The following TUT4 variants were observed in gnomAD, a reference collection of about 807,000 sequenced individuals.
TUT4 encodes terminal uridylyltransferase 4.
A neutral mutation model predicts 192.2 loss-of-function variants in TUT4; 36 were observed. That is an observed-to-expected ratio of 0.19 (90% confidence interval 0.14 to 0.25). The LOEUF is 0.25. Among genes scored for constraint, TUT4 ranks in the 10% least tolerant of loss-of-function variants. TUT4 has a pLI of 1.00. For synonymous variants in TUT4, 618 were observed against 666.0 expected, an observed-to-expected ratio of 0.93 and a Z score of 1.11; for missense variants, 1,493 against 1,957.2, an observed-to-expected ratio of 0.76 and a Z score of 4.47.
At chr1:52,547,790 T>G (rs1688462027) in intron 1 of TUT4, among the ~76,000 whole-genome samples, 1 of 152,190 alleles carries the variant, frequency 6.6e-6, no homozygotes, top group African/African-American at 2.4e-5. Context: ...TATAATTCCT[T>G]GTATATGTAA....
intron 15 of TUT4, among the ~76,000 whole-genome samples, chr1:52,467,523 TCA>T (rs755304303): frequency 1.3e-5 from 2 of 152,292 alleles, no homozygotes; most frequent in Middle Eastern, 6.8e-3. Context: ...TACTCTGGAC[TCA>T]CACAACAGCC....
rs1172005827 is a variant in TUT4 at position 52,425,539 on chromosome 1, A to T, written c.4712-32T>A. On this transcript the variant is annotated intron_variant, in intron 28 of 29. Coordinates refer to ENST00000257177, the MANE Select transcript of TUT4 (RefSeq NM_001009881.3). ...TTCAACAAGAGGGAAAAAGACATTT[A>T]AAAACATTAGTTCATTCATTGAAAT... The T allele has an allele frequency of 4.4e-6, 7 of 1,584,370 alleles. No homozygotes were observed. In the East Asian group the frequency reaches 1.4e-4, roughly 31 times the overall value.
rs754363258 is a variant in TUT4 at position 52,525,754 on chromosome 1, T to C, written c.527A>G (p.Glu176Gly). Residue 176 changes from glutamate to glycine, a missense_variant, in exon 2 of 30, where the codon GAA (glutamate) becomes GGA (glycine). Glu to Gly is a moderately conservative substitution (Grantham distance 98). Coordinates refer to ENST00000257177, the MANE Select transcript of TUT4 (RefSeq NM_001009881.3). ...LLLKDMRQKT[E>G]LQQIGKKIPS... ...AATTTTTTTTCCAATCTGTTGTAATTCTGTCTTCTGTCTCATGTCTTTCAA... is the reference window on the plus strand; with the variant it reads ...AATTTTTTTTCCAATCTGTTGTAATCCTGTCTTCTGTCTCATGTCTTTCAA... 41 of 1,614,084 alleles carry C rather than the reference T, an allele frequency of 2.5e-5. No individual in the cohort carries two copies. The Admixed American group carries it at 2.7e-4, about 10-fold the overall frequency.
intron 24 of TUT4, among the ~76,000 whole-genome samples, chr1:52,440,443 T>TG (rs1553160223): frequency 2.6e-5 from 4 of 151,170 alleles, no homozygotes; most frequent in African/African-American, 7.3e-5. Flanking sequence ...GTTTTTTTTT[T>TG]TTTTTTTTTT....
intron 2 of TUT4, among the ~76,000 whole-genome samples, chr1:52,525,273 T>A (rs574286196): frequency 2.4e-4 from 37 of 152,216 alleles, no homozygotes; most frequent in African/African-American, 8.4e-4. Context: ...TAAACAAGAG[T>A]GTGTATGTGT....
At chr1:52,545,751 C>T (rs1054189590) in intron 1 of TUT4, among the ~76,000 whole-genome samples, 1 of 151,956 alleles carries the variant, frequency 6.6e-6, no homozygotes, top group Non-Finnish European at 1.5e-5. Flanking sequence ...TAAAATGGTA[C>T]AGCCACTATG....
chr1:52,551,781 A>G (rs1689513945), intron 1 of TUT4, among the ~76,000 whole-genome samples: 2 of 152,258 alleles, frequency 1.3e-5, no homozygotes, highest in Admixed American at 1.3e-4. Context: ...CTGAATTATC[A>G]TATCTGGCTG....
chr1:52,466,090 T>C (rs774345792), intron 15 of TUT4, among the ~76,000 whole-genome samples: 6 of 152,182 alleles, frequency 3.9e-5, no homozygotes, highest in Admixed American at 6.6e-5. Context: ...TAGGACACTT[T>C]ATACTTTCAA....
chr1:52,481,335 G>T, intron 11 of TUT4, 88 bp downstream of exon 11: 1 of 1,400,878 alleles, frequency 7.1e-7, no homozygotes, highest in Non-Finnish European at 9.9e-7. Flanking sequence ...CTCAAGGTCA[G>T]TCAATCTACA....
intron 24 of TUT4, among the ~76,000 whole-genome samples, chr1:52,440,479 A>G (rs1403742650): frequency 7.2e-6 from 1 of 138,708 alleles, no homozygotes; most frequent in Non-Finnish European, 1.5e-5. Context: ...ACAATTCTTC[A>G]TTACTACTGA....
chr1:52,549,253 T>G, intron 1 of TUT4, among the ~76,000 whole-genome samples: 1 of 152,288 alleles, frequency 6.6e-6, no homozygotes, highest in African/African-American at 2.4e-5. Flanking sequence ...AGATAAAAAT[T>G]CAAACACCTT....
intron 6 of TUT4, among the ~76,000 whole-genome samples, chr1:52,493,892 C>T (rs1398425923): frequency 1.3e-5 from 2 of 150,944 alleles, no homozygotes; most frequent in Non-Finnish European, 1.5e-5. Context: ...AACTTCTGGG[C>T]TCAAAGACTC....
At chr1:52,525,255 A>T (rs149226994) in intron 2 of TUT4, among the ~76,000 whole-genome samples, 4 of 152,356 alleles carry the variant, frequency 2.6e-5, no homozygotes, top group African/African-American at 9.6e-5. Context: ...TACCTTATCA[A>T]GACCATTTAA....
At chr1:52,453,208 C>T (rs898284928) in intron 20 of TUT4, among the ~76,000 whole-genome samples, 2 of 151,722 alleles carry the variant, frequency 1.3e-5, no homozygotes, top group Admixed American at 6.6e-5. Flanking sequence ...GGTGAAACCC[C>T]GTCTCTACTA....
At chr1:52,484,667 T>G (rs1669348489) in intron 9 of TUT4, among the ~76,000 whole-genome samples, 1 of 151,030 alleles carries the variant, frequency 6.6e-6, no homozygotes, top group Non-Finnish European at 1.5e-5. Context: ...GAAAGCACTA[T>G]TTAATAAAAT....
At chr1:52,497,502 GCAC>G (rs1160119469) in intron 4 of TUT4, among the ~76,000 whole-genome samples, 1 of 152,182 alleles carries the variant, frequency 6.6e-6, no homozygotes, top group East Asian at 1.9e-4. Context: ...CGATTTTGTT[GCAC>G]CAAGGCAGAT....
At chr1:52,426,336 A>G (rs1649924160) in intron 28 of TUT4, among the ~76,000 whole-genome samples, 1 of 152,166 alleles carries the variant, frequency 6.6e-6, no homozygotes, top group South Asian at 2.1e-4. Context: ...TGTAAGTCCT[A>G]TTCTTTTTAT....
intron 27 of TUT4, chr1:52,435,078 A>C: frequency 9.8e-6 from 2 of 204,516 alleles, no homozygotes; most frequent in Non-Finnish European, 9.7e-6. Flanking sequence ...CAAAGTCTGA[A>C]ACCTCAAAGT....
intron 7 of TUT4, among the ~76,000 whole-genome samples, chr1:52,492,937 T>C (rs1671541235): frequency 6.6e-6 from 1 of 152,210 alleles, no homozygotes; most frequent in Admixed American, 6.5e-5. Flanking sequence ...TACATTTTTA[T>C]TCCAAGTCTC....
Sources: allele counts gnomAD v4.1 joint callset (sites outside exome capture counted in the v4.1 genomes callset), GRCh38; gene constraint gnomAD v4.1.1; transcripts MANE v1.5; gene names NCBI Gene and HGNC (gene_info 2026-07-23, HGNC 2026-07-21).